Variants in MAP4 observed in about 807,000 individuals in gnomAD.
MAP4 encodes the protein microtubule associated protein 4.
MAP4 carries 76 observed loss-of-function variants against 170.2 expected under a neutral mutation model. That is an observed-to-expected ratio of 0.45 (90% CI 0.37 to 0.54). MAP4 has a LOEUF of 0.54. MAP4 is among the 20% of genes least tolerant of loss of function. MAP4 has a pLI of 0.00. For missense variants in MAP4, 2,506 were observed against 2,748.0 expected, an observed-to-expected ratio of 0.91 and a Z score of 1.97; for synonymous variants, 909 against 994.5, an observed-to-expected ratio of 0.91 and a Z score of 1.62.
rs377691497 is a variant in MAP4 at position 47,894,843 on chromosome 3, T to C, written c.5434+8107A>G. ...GAGTTTGAGACCAGCCTGGGCAACA[T>C]GGCAAAACCCTGTCTCTACAAAGAG... On this transcript the variant is annotated intron_variant, in intron 10 of 20. Transcript: ENST00000683076. Among the ~76,000 whole-genome samples the C allele has an allele frequency of 1.5e-4, 23 of 151,890 alleles. No individual in the cohort carries two copies. The East Asian group carries it at 4.1e-3, about 27-fold the overall frequency.
chr3:48,006,860 TG>T (rs2100102628), intron 1 of MAP4, among the ~76,000 whole-genome samples: 1 of 152,208 alleles, frequency 6.6e-6, no homozygotes, highest in Non-Finnish European at 1.5e-5. Flanking sequence ...TTACCAGATG[TG>T]GTTTCATTGC....
intron 3 of MAP4, among the ~76,000 whole-genome samples, chr3:47,975,976 G>C (rs2100081908): frequency 6.6e-6 from 1 of 152,118 alleles, no homozygotes; most frequent in Admixed American, 6.6e-5. Flanking sequence ...TTTTAGCAGA[G>C]ATGGGGTTTC....
At chr3:47,975,421 G>T (rs2100081414) in intron 3 of MAP4, 6 of 1,564,020 alleles carry the variant, frequency 3.8e-6, no homozygotes, top group Non-Finnish European at 4.3e-6. Context: ...AAGATCACTG[G>T]TCTGGTGTTG....
At position 47,887,688 on chromosome 3, in the gene MAP4, G is replaced by A. The variant is rs1475365001; in HGVS notation, c.5435-10165C>T. Among the ~76,000 whole-genome samples, 4 of 152,240 alleles carry A rather than the reference G, an allele frequency of 2.6e-5. No individual in the cohort carries two copies. The East Asian group carries it at 7.7e-4, about 29-fold the overall frequency. On this transcript the variant is annotated intron_variant, in intron 10 of 20. Coordinates refer to ENST00000683076, the MANE Select transcript of MAP4 (RefSeq NM_001385682.1). ...CTGGGCTCCTGAGTCTGGTGGGGAC[G>A]TGGAGAGTCTTTATATCTACCTCAG...
intron 5 of MAP4, among the ~76,000 whole-genome samples, chr3:47,920,613 ATGATCATGGCTCAATGCAGCCTC>A: frequency 7.0e-6 from 1 of 143,702 alleles, no homozygotes; most frequent in East Asian, 2.1e-4. Context: ...GTACAGTGGC[ATGATCATGGCTCAATGCAGCCTC>A]GACCTTCTGG....
intron 3 of MAP4, among the ~76,000 whole-genome samples, chr3:47,945,026 G>A (rs1448178740): frequency 6.6e-6 from 1 of 151,188 alleles, no homozygotes; most frequent in East Asian, 1.9e-4. Flanking sequence ...AAACACCTAG[G>A]GTTAAATGGA....
At chr3:48,006,422 A>C (rs1289207248) in intron 1 of MAP4, among the ~76,000 whole-genome samples, 1 of 152,170 alleles carries the variant, frequency 6.6e-6, no homozygotes, top group African/African-American at 2.4e-5. Context: ...CATGGAAGTC[A>C]GGTAATTAAT....
At chr3:47,873,666 G>A (rs1036532952) in intron 12 of MAP4, among the ~76,000 whole-genome samples, 1 of 152,204 alleles carries the variant, frequency 6.6e-6, no homozygotes, top group Non-Finnish European at 1.5e-5. Context: ...AAACATGTAG[G>A]ATTTTGGCCA....
intron 1 of MAP4, among the ~76,000 whole-genome samples, chr3:48,063,608 T>C (rs768174491): frequency 3.9e-5 from 6 of 152,022 alleles, no homozygotes; most frequent in Non-Finnish European, 5.9e-5. Context: ...ATGCCTTTAA[T>C]AGGTGAATGG....
At chr3:47,882,045 G>A (rs928615766) in intron 10 of MAP4, among the ~76,000 whole-genome samples, 10 of 152,344 alleles carry the variant, frequency 6.6e-5, no homozygotes, top group East Asian at 1.9e-4. Flanking sequence ...TTGGGAGGCC[G>A]AGGTGGGCTT....
At chr3:48,008,741 T>C (rs1350520378) in intron 1 of MAP4, among the ~76,000 whole-genome samples, 1 of 152,210 alleles carries the variant, frequency 6.6e-6, no homozygotes, top group East Asian at 1.9e-4. Flanking sequence ...ACTCAGCCTC[T>C]TTCCCCTGCC....
At chr3:47,989,249 T>A (rs989170942) in intron 2 of MAP4, among the ~76,000 whole-genome samples, 1 of 152,220 alleles carries the variant, frequency 6.6e-6, no homozygotes, top group African/African-American at 2.4e-5. Context: ...CATCTCTATT[T>A]AAAAAATATT....
intron 2 of MAP4, among the ~76,000 whole-genome samples, chr3:47,989,423 G>C (rs927685221): frequency 2.6e-5 from 4 of 152,174 alleles, no homozygotes; most frequent in Non-Finnish European, 4.4e-5. Flanking sequence ...CAACTGTACA[G>C]TGCTAAATAG....
At chr3:47,985,917 T>C (rs1345921125) in intron 2 of MAP4, among the ~76,000 whole-genome samples, 1 of 152,236 alleles carries the variant, frequency 6.6e-6, no homozygotes, top group African/African-American at 2.4e-5. Flanking sequence ...CTGATCTCTA[T>C]CATCGTATTC....
At chr3:48,061,882 G>A (rs1341796358) in intron 1 of MAP4, among the ~76,000 whole-genome samples, 1 of 147,538 alleles carries the variant, frequency 6.8e-6, no homozygotes, top group African/African-American at 2.5e-5. Flanking sequence ...CCGGGAGGTG[G>A]GGGGCGCCTC....
At chr3:47,861,270 T>A (rs546921476) in intron 17 of MAP4, among the ~76,000 whole-genome samples, 1 of 151,998 alleles carries the variant, frequency 6.6e-6, no homozygotes, top group East Asian at 1.9e-4. Flanking sequence ...TGAGACAGAA[T>A]TCTTGAACCC....
intron 10 of MAP4, 26 bp from the exon 11 acceptor site, chr3:47,877,549 T>C (rs2095758482): frequency 6.6e-7 from 1 of 1,505,054 alleles, no homozygotes; most frequent in Non-Finnish European, 9.2e-7. Flanking sequence ...GAGTGGGAAT[T>C]ATGCTAAGCA....
rs138593491 is a variant in MAP4, at chr3:48,001,263, T to G, written c.-19-2384A>C. Among the ~76,000 whole-genome samples the G allele has an allele frequency of 4.6e-3, 703 of 152,322 alleles. 4 individuals carry two copies. Among genetic ancestry groups the G allele is most frequent in the Non-Finnish European group, 7.4e-3 (503 of 68,020 alleles). ...TTGTCTCTACCTATATGGAGCTTAG[T>G]GAAAACATTCATTACATATTCTTTA... On this transcript the variant is annotated intron_variant, in intron 1 of 20. Coordinates refer to ENST00000683076, the MANE Select transcript of MAP4 (RefSeq NM_001385682.1).
chr3:48,048,506 CTTTTTTTT>C (rs67709674), intron 1 of MAP4, among the ~76,000 whole-genome samples: 38 of 66,990 alleles, frequency 5.7e-4, no homozygotes, highest in Admixed American at 3.7e-3. Context: ...TCTCAATTAT[CTTTTTTTT>C]TTTTTTTTTT....
Sources: allele counts gnomAD v4.1 joint callset (sites outside exome capture counted in the v4.1 genomes callset), GRCh38; gene constraint gnomAD v4.1.1; transcripts MANE v1.5; gene names NCBI Gene and HGNC (gene_info 2026-07-23, HGNC 2026-07-21).